Variants in C11orf24 observed in about 807,000 individuals in gnomAD.
The protein encoded by C11orf24 is chromosome 11 open reading frame 24.
In C11orf24, 5 loss-of-function variants were observed where a neutral mutation model predicts 7.3. The observed-to-expected ratio is 0.69, with a 90% CI of 0.36 to 1.45. C11orf24 has a LOEUF of 1.45. C11orf24 is among the 40% of genes most tolerant of loss of function. The probability of loss-of-function intolerance (pLI) is 0.03; values close to 1 mark genes in which losing one functional copy is unlikely to be tolerated. For synonymous variants in C11orf24, 233 were observed against 235.7 expected, an observed-to-expected ratio of 0.99 and a Z score of 0.11; for missense variants, 566 against 590.5, an observed-to-expected ratio of 0.96 and a Z score of 0.43.
chr11:68,266,365 G>A (rs2098565134), intron 2 of C11orf24, among the ~76,000 whole-genome samples: 2 of 152,218 alleles, frequency 1.3e-5, no homozygotes, highest in Admixed American at 6.5e-5. Flanking sequence ...CATGTGGACT[G>A]TTGTCAAGCT....
intron 1 of C11orf24, among the ~76,000 whole-genome samples, chr11:68,268,552 C>A (rs1173275448): frequency 6.6e-6 from 1 of 152,108 alleles, no homozygotes; most frequent in Admixed American, 6.5e-5. Context: ...ATTAGCTGGG[C>A]GTGGTGGTGG....
At chr11:68,266,564 C>T (rs1247738468) in intron 2 of C11orf24, among the ~76,000 whole-genome samples, 4 of 152,134 alleles carry the variant, frequency 2.6e-5, no homozygotes, top group Admixed American at 6.6e-5. Context: ...GCCTTACAAA[C>T]CACAGATCTA....
At position 68,262,502 on chromosome 11, in the gene C11orf24, C is replaced by T; in HGVS notation, c.493G>A (p.Ala165Thr). 6.2e-7 allele frequency: 1 copy of T among 1,614,008 alleles called. No individual in the cohort carries two copies. The highest frequency in any genetic ancestry group is 1.1e-5 in the South Asian group (1 of 91,082). Residue 165 changes from alanine (A) to threonine (T), a missense_variant, in exon 4 of 4, where the codon GCA becomes ACA. Ala to Thr is a moderately conservative substitution (Grantham distance 58). Transcript: ENST00000304271. Reference sequence around the variant, plus strand: ...GAAGTGGACGTGGGCGCGGGGAGTGCAAGTGTCATGGGAGTGCTGGAGGCC... The same window carrying T: ...GAAGTGGACGTGGGCGCGGGGAGTGTAAGTGTCATGGGAGTGCTGGAGGCC... ...TAASSTPMTL[A>T]LPAPTSTSTG...
intron 1 of C11orf24, among the ~76,000 whole-genome samples, chr11:68,269,621 CAT>C (rs1227447981): frequency 2.6e-5 from 4 of 152,352 alleles, no homozygotes; most frequent in Admixed American, 6.5e-5. Context: ...TGCCACCACA[CAT>C]GTGCACTCAC....
At chr11:68,269,057 C>T (rs1220433707) in intron 1 of C11orf24, among the ~76,000 whole-genome samples, 1 of 151,702 alleles carries the variant, frequency 6.6e-6, no homozygotes, top group East Asian at 1.9e-4. Context: ...TAATGAATAT[C>T]CCTGGGGAAT....
intron 2 of C11orf24, among the ~76,000 whole-genome samples, chr11:68,265,839 A>G (rs2098564818): frequency 6.6e-6 from 1 of 152,250 alleles, no homozygotes; most frequent in African/African-American, 2.4e-5. Flanking sequence ...TTTGTTAGAT[A>G]AAATAATGAA....
At chr11:68,263,403 A>G (rs2098562932) in intron 3 of C11orf24, 2 of 498,198 alleles carry the variant, frequency 4.0e-6, no homozygotes, top group Non-Finnish European at 3.6e-6. Context: ...GATCTGATGT[A>G]TGAAGGAATC....
chr11:68,263,677 A>G lies in C11orf24; in HGVS notation c.76+15T>C, dbSNP rs753731878. ...CCGTGGGCCCATCCAGCAGTCACAC[A>G]GCTTTCTCACTTACGTGGATCGTTG... On this transcript the variant is annotated intron_variant, in intron 3 of 3. Coordinates refer to ENST00000304271, the MANE Select transcript of C11orf24 (RefSeq NM_022338.4). 4 of 1,612,428 alleles carry G rather than the reference A, an allele frequency of 2.5e-6. No homozygotes were observed. Among genetic ancestry groups the G allele is most frequent in the East Asian group, 2.2e-5 (1 of 44,878 alleles).
chr11:68,270,024 T>C (rs141359839), intron 1 of C11orf24, among the ~76,000 whole-genome samples: 118 of 136,760 alleles, frequency 8.6e-4, no homozygotes, highest in African/African-American at 3.3e-3. Context: ...AAGCCAAAAT[T>C]AGGATGTGGG....
chr11:68,267,803 A>G (rs1459236433), intron 2 of C11orf24: 1 of 152,362 alleles, frequency 6.6e-6, no homozygotes, highest in Non-Finnish European at 1.5e-5. Context: ...CAGTAAGCCA[A>G]GATTGCACCT....
In C11orf24 at chr11:68,262,056, T is replaced by G; in HGVS notation, c.939A>C (p.Pro313=). The G allele has an allele frequency of 1.9e-6, 3 of 1,612,430 alleles. No individual in the cohort carries two copies. The highest frequency in any genetic ancestry group is 2.5e-6 in the Non-Finnish European group (3 of 1,179,730). Residue 313 remains proline, a synonymous_variant, in exon 4 of 4, where the codon CCA becomes CCC. Coordinates refer to ENST00000304271, the MANE Select transcript of C11orf24 (RefSeq NM_022338.4). ...GGGACATGGCCTCCATCTCAGGGATTGGGCTGGTGTGAGGTACTGGCACTG... is the reference window on the plus strand; with the variant it reads ...GGGACATGGCCTCCATCTCAGGGATGGGGCTGGTGTGAGGTACTGGCACTG... ...ASPVPVPHTS[P]IPEMEAMSPT...
rs371551581 is a variant in C11orf24, at chr11:68,262,899, T to G, written c.96A>C (p.Lys32Asn). 5 of 1,613,400 alleles carry G rather than the reference T, an allele frequency of 3.1e-6. No individual in the cohort carries two copies. The African/African-American group carries it at 6.7e-5, about 22-fold the overall frequency. Residue 32 changes from lysine to asparagine, a missense_variant, in exon 4 of 4, where the codon AAA (lysine) becomes AAC (asparagine). Coordinates refer to ENST00000304271, the MANE Select transcript of C11orf24 (RefSeq NM_022338.4). Reference sequence around the variant, plus strand: ...TCCTCTTGACTAATCCCTTCCACATTTTGTTAGGGACAAAGTTGCCTTAAA... The same window carrying G: ...TCCTCTTGACTAATCCCTTCCACATGTTGTTAGGGACAAAGTTGCCTTAAA... ...SNDPRNFVPN[K>N]MWKGLVKRNA...
intron 1 of C11orf24, among the ~76,000 whole-genome samples, chr11:68,270,280 G>A (rs2098567256): frequency 2.0e-5 from 3 of 152,154 alleles, no homozygotes; most frequent in Non-Finnish European, 4.4e-5. Context: ...AGGTGCAACA[G>A]GATACTCCCT....
intron 2 of C11orf24, among the ~76,000 whole-genome samples, chr11:68,265,028 C>T (rs1316556314): frequency 2.0e-5 from 3 of 150,388 alleles, no homozygotes; most frequent in African/African-American, 7.4e-5. Context: ...ACAGTTCAGC[C>T]AGTGGTGGTG....
chr11:68,269,530 A>C (rs534586544), intron 1 of C11orf24, among the ~76,000 whole-genome samples: 1 of 152,350 alleles, frequency 6.6e-6, no homozygotes, highest in Admixed American at 6.5e-5. Flanking sequence ...ACGTGTGCAC[A>C]CACAGCCACA....
At chr11:68,270,938 C>G (rs1018987937) in intron 1 of C11orf24, among the ~76,000 whole-genome samples, 2 of 152,268 alleles carry the variant, frequency 1.3e-5, no homozygotes, top group African/African-American at 4.8e-5. Flanking sequence ...CTGTGGCAGA[C>G]GGGAACCTAG....
At position 68,262,630 on chromosome 11, in the gene C11orf24, G is replaced by T. The variant is rs201655090; in HGVS notation, c.365C>A (p.Ala122Glu). 150 of 1,612,680 alleles carry T rather than the reference G, an allele frequency of 9.3e-5. No individual in the cohort carries two copies. The Admixed American group carries it at 2.5e-3, about 27-fold the overall frequency. Residue 122 changes from alanine (A) to glutamate (E), a missense_variant, in exon 4 of 4, where the codon GCG becomes GAG. Ala to Glu is a moderately radical substitution (Grantham distance 107). Transcript: ENST00000304271. Reference sequence around the variant, plus strand: ...GGAGGCCACAGTCATACTGGAGGCCGCAGTCGTAATGGAGGCCGCAGTCGT... The same window carrying T: ...GGAGGCCACAGTCATACTGGAGGCCTCAGTCGTAATGGAGGCCGCAGTCGT... ...SSTTAASITT[A>E]ASSMTVASSA... is the part of the protein sequence containing the mutation.
chr11:68,262,973 G>C (rs1453596816), intron 3 of C11orf24, 55 bp from the exon 4 acceptor site: 2 of 1,535,622 alleles, frequency 1.3e-6, no homozygotes, highest in Non-Finnish European at 1.8e-6. Flanking sequence ...TCCTGCACAG[G>C]GGGATTGCTC....
In C11orf24 at chr11:68,262,011, G is replaced by A. The variant is rs1277080320; in HGVS notation, c.984C>T (p.Pro328=). 1 of 1,613,976 alleles carries A rather than the reference G, an allele frequency of 6.2e-7. No individual in the cohort carries two copies. Among genetic ancestry groups the A allele is most frequent in the African/African-American group, 1.3e-5 (1 of 74,914 alleles). ...CAGCGGCCCTCTGGGTATATGGCAT[G>A]GGGCTTGGCTGTGTCGTGGGGGACA... ...EAMSPTTQPS[P]MPYTQRAAGP... Residue 328 remains proline, a synonymous_variant, in exon 4 of 4, where the codon CCC becomes CCT. Coordinates refer to ENST00000304271, the MANE Select transcript of C11orf24 (RefSeq NM_022338.4).
Sources: gnomAD v4.1 joint callset for allele counts (sites outside exome capture counted in the v4.1 genomes callset) on GRCh38, gnomAD v4.1.1 for gene constraint, MANE v1.5 for transcripts, NCBI Gene and HGNC (gene_info 2026-07-23, HGNC 2026-07-21) for gene names.